The following NOX4 variants were observed in gnomAD, a reference collection of about 807,000 sequenced individuals.
NOX4 encodes the protein NADPH oxidase 4.
NOX4 carries 69 observed loss-of-function variants against 87.6 expected under a neutral mutation model. The ratio of observed to expected loss-of-function variants is 0.79; its 90% CI spans 0.65 to 0.96. The LOEUF (loss-of-function observed/expected upper bound fraction) is 0.96, where lower values mean the gene tolerates loss of function less well. NOX4 is among the 40% of genes least tolerant of loss of function. The probability of loss-of-function intolerance (pLI) is 0.00; values close to 1 mark genes in which losing one functional copy is unlikely to be tolerated. For synonymous variants in NOX4, 275 were observed against 238.2 expected (o/e 1.15, Z -1.42); for missense variants, 680 against 681.5 (o/e 1.00, Z 0.02).
At chr11:89,398,269 C>T (rs1941620709) in intron 11 of NOX4, among the ~76,000 whole-genome samples, 1 of 152,070 alleles carries the variant, frequency 6.6e-6, no homozygotes, top group South Asian at 2.1e-4. Context: ...TTCAGCAGCC[C>T]TTCATGCTAA....
At chr11:89,371,757 G>A (rs999909490) in intron 12 of NOX4, among the ~76,000 whole-genome samples, 1 of 151,596 alleles carries the variant, frequency 6.6e-6, no homozygotes, top group African/African-American at 2.4e-5. Context: ...CTCCACCAGT[G>A]TATACCTATC....
intron 17 of NOX4, among the ~76,000 whole-genome samples, chr11:89,328,654 G>A (rs1239367370): frequency 6.6e-6 from 1 of 152,100 alleles, no homozygotes; most frequent in African/African-American, 2.4e-5. Flanking sequence ...CTATAACTAA[G>A]AGTGTTATGG....
the NOX4 span, among the ~76,000 whole-genome samples, chr11:89,576,698 C>G: frequency 5.3e-5 from 8 of 152,150 alleles, no homozygotes; most frequent in South Asian, 1.7e-3. Flanking sequence ...AAGCTTTTGG[C>G]TTATAGGACA....
the NOX4 span, among the ~76,000 whole-genome samples, chr11:89,539,235 G>T: frequency 6.6e-6 from 1 of 151,966 alleles, no homozygotes; most frequent in Non-Finnish European, 1.5e-5. Context: ...AGATCGAGAC[G>T]ATCCTGGCTA....
chr11:89,469,968 A>ACAAT (rs1383631093), intron 2 of NOX4, among the ~76,000 whole-genome samples: 1 of 151,966 alleles, frequency 6.6e-6, no homozygotes, highest in Non-Finnish European at 1.5e-5. Context: ...GATTTAGAGG[A>ACAAT]CAATTTGAAG....
chr11:89,341,313 G>A (rs1292555892), intron 14 of NOX4, among the ~76,000 whole-genome samples: 1 of 151,950 alleles, frequency 6.6e-6, no homozygotes, highest in Non-Finnish European at 1.5e-5. Context: ...AGTAGAGACA[G>A]GGTTTCACCA....
chr11:89,452,191 T>C (rs1037763084), intron 2 of NOX4, among the ~76,000 whole-genome samples: 3 of 152,314 alleles, frequency 2.0e-5, no homozygotes, highest in Non-Finnish European at 2.9e-5. Flanking sequence ...CCTACCCCAT[T>C]GTTCTGGCTG....
intron 2 of NOX4, among the ~76,000 whole-genome samples, chr11:89,484,337 T>C (rs1946502508): frequency 6.6e-6 from 1 of 152,092 alleles, no homozygotes; most frequent in African/African-American, 2.4e-5. Context: ...TGCTCATAAT[T>C]CCTTCACAAT....
In NOX4 at chr11:89,400,186, A is replaced by G. The variant is rs760696484; in HGVS notation, c.1011+29T>C. 2.5e-6 allele frequency: 4 copies of G among 1,604,662 alleles called. No individual in the cohort carries two copies. The African/African-American group carries it at 5.4e-5, about 22-fold the overall frequency. On this transcript the variant is annotated intron_variant, in intron 10 of 17. Coordinates refer to ENST00000263317, the MANE Select transcript of NOX4 (RefSeq NM_016931.5). ...CAAAAATTACATAAGGATAAAGGCT[A>G]TTTAAAAAGTTGCTGACCACTGACT... is the stretch of plus-strand genomic sequence containing the variant.
chr11:89,569,774 C>T, the NOX4 span, among the ~76,000 whole-genome samples: 11 of 152,000 alleles, frequency 7.2e-5, no homozygotes, highest in South Asian at 2.1e-4. Context: ...GAGGCTGAGG[C>T]GGGCGGATCA....
At chr11:89,448,078 G>A (rs1944786445) in intron 4 of NOX4, among the ~76,000 whole-genome samples, 1 of 152,086 alleles carries the variant, frequency 6.6e-6, no homozygotes, top group Non-Finnish European at 1.5e-5. Context: ...GAAAATACCA[G>A]GTGCTATGCC....
intron 12 of NOX4, among the ~76,000 whole-genome samples, chr11:89,373,168 T>C (rs981394548): frequency 6.6e-5 from 10 of 151,076 alleles, no homozygotes; most frequent in African/African-American, 2.2e-4. Context: ...AAACTTATGA[T>C]TTGCAAGCAC....
chr11:89,572,709 G>A, the NOX4 span, among the ~76,000 whole-genome samples: 2 of 151,650 alleles, frequency 1.3e-5, no homozygotes, highest in African/African-American at 2.4e-5. Flanking sequence ...CTTTTTTCCC[G>A]TCTTTTTCCC....
intron 7 of NOX4, among the ~76,000 whole-genome samples, chr11:89,430,996 C>A (rs1943750884): frequency 6.6e-6 from 1 of 152,108 alleles, no homozygotes; most frequent in Non-Finnish European, 1.5e-5. Flanking sequence ...GGTACTGCTA[C>A]CAAAACAGAG....
At chr11:89,474,830 T>C (rs1946096238) in intron 2 of NOX4, among the ~76,000 whole-genome samples, 1 of 151,946 alleles carries the variant, frequency 6.6e-6, no homozygotes, top group Non-Finnish European at 1.5e-5. Context: ...TACCAAGAAT[T>C]CAATGGATAA....
intron 11 of NOX4, among the ~76,000 whole-genome samples, chr11:89,387,408 T>C (rs1480823246): frequency 3.3e-5 from 5 of 151,990 alleles, no homozygotes; most frequent in Admixed American, 6.6e-5. Context: ...TAATTTTCCA[T>C]TACCTACACA....
At chr11:89,381,094 ACT>A (rs1341619509) in intron 11 of NOX4, among the ~76,000 whole-genome samples, 1 of 151,978 alleles carries the variant, frequency 6.6e-6, no homozygotes, top group Non-Finnish European at 1.5e-5. Context: ...TCCTGGAAAA[ACT>A]CTTCCCAAAG....
chr11:89,432,218 G>A (rs955849308), intron 7 of NOX4, among the ~76,000 whole-genome samples: 18 of 151,972 alleles, frequency 1.2e-4, no homozygotes, highest in African/African-American at 4.1e-4. Context: ...GGGAGAGGGG[G>A]AGGGACAGCA....
intron 13 of NOX4, among the ~76,000 whole-genome samples, chr11:89,354,539 T>G (rs1458426012): frequency 6.6e-6 from 1 of 152,206 alleles, no homozygotes; most frequent in African/African-American, 2.4e-5. Context: ...ATGTAGAGAT[T>G]GTCAAAAATC....
Sources: gnomAD v4.1 joint callset for allele counts (sites outside exome capture counted in the v4.1 genomes callset) on GRCh38, gnomAD v4.1.1 for gene constraint, MANE v1.5 for transcripts, NCBI Gene and HGNC (gene_info 2026-07-23, HGNC 2026-07-21) for gene names.